The following LRPPRC variants were observed in gnomAD, a reference collection of about 807,000 sequenced individuals.
LRPPRC encodes leucine-rich PPR motif-containing protein, mitochondrial.
Under a neutral mutation model 180.3 loss-of-function variants are expected in LRPPRC, and 120 were observed. The ratio of observed to expected loss-of-function variants is 0.67; its 90% confidence interval spans 0.57 to 0.77. The LOEUF is 0.77. LRPPRC is among the 30% of genes least tolerant of loss of function. LRPPRC has a pLI of 0.00. For missense variants in LRPPRC, 2,012 were observed against 1,657.2 expected (o/e 1.21, Z -3.72); for synonymous variants, 723 against 600.0 (o/e 1.21, Z -3.00).
intron 1 of LRPPRC, among the ~76,000 whole-genome samples, chr2:43,992,363 TAG>T (rs753424617): frequency 1.2e-4 from 18 of 152,146 alleles, no homozygotes; most frequent in Non-Finnish European, 4.4e-5. Context: ...TCATGCTCAC[TAG>T]AGTTTGAGAA....
At chr2:43,958,589 C>A (rs1673216714) in intron 13 of LRPPRC, among the ~76,000 whole-genome samples, 1 of 152,218 alleles carries the variant, frequency 6.6e-6, no homozygotes, top group African/African-American at 2.4e-5. Context: ...TGCACTGAGT[C>A]ACTCAAGGAA....
At chr2:43,916,874 G>A (rs1671487419) in intron 29 of LRPPRC, among the ~76,000 whole-genome samples, 1 of 150,616 alleles carries the variant, frequency 6.6e-6, no homozygotes, top group South Asian at 2.1e-4. Context: ...AAGCCCACGA[G>A]GCGGGGGCTG....
At chr2:43,924,782 A>T (rs1671817905) in intron 27 of LRPPRC, among the ~76,000 whole-genome samples, 1 of 152,172 alleles carries the variant, frequency 6.6e-6, no homozygotes, top group African/African-American at 2.4e-5. Flanking sequence ...GAACAGAAAG[A>T]CCGTTCTTAC....
chr2:43,946,056 C>T (rs551590840), intron 21 of LRPPRC, 57 bp downstream of exon 21: 11 of 1,544,076 alleles, frequency 7.1e-6, no homozygotes, highest in Middle Eastern at 1.7e-4. Context: ...GATAATCTAT[C>T]AAGGTCTGTA....
chr2:43,948,365 A>G, intron 17 of LRPPRC, 47 bp downstream of exon 17: 1 of 1,155,624 alleles, frequency 8.7e-7, no homozygotes, highest in Non-Finnish European at 1.3e-6. Context: ...TCTAATAGAT[A>G]CATGTCAGGC....
chr2:43,920,972 G>A (rs986772554), intron 27 of LRPPRC, among the ~76,000 whole-genome samples: 2 of 152,150 alleles, frequency 1.3e-5, no homozygotes, highest in Non-Finnish European at 2.9e-5. Flanking sequence ...GGGAAGACAA[G>A]GATATTACAG....
At chr2:43,995,218 C>T (rs758517421) in intron 1 of LRPPRC, among the ~76,000 whole-genome samples, 1 of 152,154 alleles carries the variant, frequency 6.6e-6, no homozygotes, top group Non-Finnish European at 1.5e-5. Context: ...TCCAGCCCAA[C>T]TCGCGCAACA....
intron 32 of LRPPRC, among the ~76,000 whole-genome samples, chr2:43,900,010 C>T (rs1670830317): frequency 6.6e-6 from 1 of 152,130 alleles, no homozygotes; most frequent in Non-Finnish European, 1.5e-5. Flanking sequence ...ACAATTTTGG[C>T]TTTATGATCC....
At chr2:43,930,940 T>G (rs1318613393) in intron 25 of LRPPRC, among the ~76,000 whole-genome samples, 2 of 152,196 alleles carry the variant, frequency 1.3e-5, no homozygotes, top group African/African-American at 4.8e-5. Context: ...GTACTTCATT[T>G]ACCTCCCAGG....
chr2:43,982,422 G>T lies in LRPPRC; in HGVS notation c.162C>A (p.Ser54Arg), dbSNP rs1362232761. 1 of 1,612,364 alleles carries T rather than the reference G, an allele frequency of 6.2e-7. No individual in the cohort carries two copies. The highest frequency in any genetic ancestry group is 1.3e-5 in the African/African-American group (1 of 74,974). ...RAGPVAGGLL[S>R]PARLYAIAAK... ...CAGCAATGGCATACAGCCTGGCTGG[G>T]CTCAGTAGTCCTCTAAAAAATGAAA... Residue 54 changes from serine (S) to arginine (R), a missense_variant, in exon 2 of 38, where the codon AGC becomes AGA. Ser to Arg is a moderately radical substitution (Grantham distance 110). Coordinates refer to ENST00000260665, the MANE Select transcript of LRPPRC (RefSeq NM_133259.4).
chr2:43,894,174 A>C (rs1026879838), intron 36 of LRPPRC, among the ~76,000 whole-genome samples: 13 of 152,032 alleles, frequency 8.6e-5, no homozygotes, highest in Non-Finnish European at 1.9e-4. Flanking sequence ...GTGAGTCTCA[A>C]ATGTGTACTT....
intron 36 of LRPPRC, among the ~76,000 whole-genome samples, chr2:43,890,961 C>G (rs1007601944): frequency 6.6e-6 from 1 of 152,186 alleles, no homozygotes; most frequent in Non-Finnish European, 1.5e-5. Flanking sequence ...CTGCCCTACA[C>G]TGACTCTGAT....
chr2:43,980,611 T>C (rs1326480702), intron 2 of LRPPRC, among the ~76,000 whole-genome samples: 1 of 149,514 alleles, frequency 6.7e-6, no homozygotes, highest in African/African-American at 2.5e-5. Context: ...AAAGAAAGAA[T>C]ACTGTAAAGC....
At chr2:43,949,119 T>C (rs1218521115) in intron 16 of LRPPRC, among the ~76,000 whole-genome samples, 3 of 152,164 alleles carry the variant, frequency 2.0e-5, no homozygotes, top group Admixed American at 2.0e-4. Flanking sequence ...GATAGAAATG[T>C]AAACTTTCAA....
intron 36 of LRPPRC, chr2:43,892,612 C>T (rs1670531122): frequency 6.6e-6 from 1 of 152,144 alleles, no homozygotes; most frequent in Non-Finnish European, 1.5e-5. Context: ...ATGTTGTTCT[C>T]AGGTGCCCTA....
intron 12 of LRPPRC, among the ~76,000 whole-genome samples, chr2:43,962,377 C>T (rs1322709052): frequency 6.6e-6 from 1 of 152,026 alleles, no homozygotes; most frequent in African/African-American, 2.4e-5. Flanking sequence ...CTTCAGAAGA[C>T]TGTAATTATG....
intron 14 of LRPPRC, among the ~76,000 whole-genome samples, chr2:43,954,068 G>A (rs1004110055): frequency 6.6e-6 from 1 of 152,068 alleles, no homozygotes; most frequent in Non-Finnish European, 1.5e-5. Context: ...TCTTTTTATA[G>A]GGCTATCTCC....
intron 13 of LRPPRC, 137 bp downstream of exon 13, chr2:43,960,404 C>A (rs1378485937): frequency 1.0e-5 from 7 of 680,034 alleles, no homozygotes; most frequent in Non-Finnish European, 1.6e-5. Context: ...AAGTTCAACT[C>A]ATAAACCGTT....
rs769581138 is a variant in LRPPRC, at chr2:43,945,333, T to G, written c.2295A>C (p.Gln765His). The change falls in exon 22 of 38, where the codon CAA becomes CAC. Residue 765 changes from glutamine (Q) to histidine (H), a missense_variant and splice_region_variant. Coordinates refer to ENST00000260665, the MANE Select transcript of LRPPRC (RefSeq NM_133259.4). ...VRVLAKHGKLQDAINILKEMK... is the reference protein window; with the variant it reads ...VRVLAKHGKLHDAINILKEMK... ...TTTCCTTTATGTGCTGAGGCTTACC[T>G]TGGAGCTTGCCATGCTTTGCCAATA... The G allele has an allele frequency of 1.7e-5, 28 of 1,607,374 alleles. 1 individual carries two copies. In the South Asian group the frequency reaches 3.0e-4, roughly 17 times the overall value.
Sources: allele counts gnomAD v4.1 joint callset (sites outside exome capture counted in the v4.1 genomes callset), GRCh38; gene constraint gnomAD v4.1.1; transcripts MANE v1.5; gene names NCBI Gene and HGNC (gene_info 2026-07-23, HGNC 2026-07-21).